The following RSPH14 variants were observed in gnomAD, a reference collection of about 807,000 sequenced individuals.
The protein encoded by RSPH14 is radial spoke head 14 homolog.
RSPH14 carries 20 observed loss-of-function variants against 26.7 expected under a neutral mutation model. The observed-to-expected ratio is 0.75, with a 90% CI of 0.53 to 1.09. RSPH14 has a LOEUF of 1.09. RSPH14 is among the 50% of genes least tolerant of loss of function. RSPH14 has a pLI of 0.00. For synonymous variants in RSPH14, 177 were observed against 189.3 expected (o/e 0.93, Z 0.53); for missense variants, 449 against 457.2 (o/e 0.98, Z 0.16).
chr22:23,138,395 T>C (rs1041759238), intron 3 of RSPH14, among the ~76,000 whole-genome samples: 17 of 152,040 alleles, frequency 1.1e-4, no homozygotes, highest in African/African-American at 3.9e-4. Context: ...AACCAGTCTC[T>C]ACTAAAAATA....
At chr22:23,161,717 G>A in the RSPH14 span, 2 of 655,894 alleles carry the variant, frequency 3.0e-6, no homozygotes, top group Admixed American at 5.7e-5. Flanking sequence ...ACCGGGCTCA[G>A]CTCCAGGGCA....
the RSPH14 span, chr22:23,155,984 C>A: frequency 1.2e-6 from 2 of 1,612,466 alleles, no homozygotes; most frequent in Non-Finnish European, 1.7e-6. Flanking sequence ...CACAGCTGGG[C>A]AGGAGAAGTT....
the RSPH14 span, chr22:23,158,157 G>A: frequency 6.5e-7 from 1 of 1,532,712 alleles, no homozygotes; most frequent in Non-Finnish European, 8.7e-7. Context: ...GAGTGACCAG[G>A]GCCCCTTGTC....
chr22:23,095,843 G>A (rs2069107342), intron 4 of RSPH14: 5 of 1,613,742 alleles, frequency 3.1e-6, no homozygotes, highest in African/African-American at 1.3e-5. Flanking sequence ...GAGCACCATC[G>A]TCAAACAGAT....
intron 4 of RSPH14, among the ~76,000 whole-genome samples, chr22:23,066,306 T>C (rs923238148): frequency 6.6e-6 from 1 of 152,014 alleles, no homozygotes; most frequent in African/African-American, 2.4e-5. Context: ...GGGAGGAATA[T>C]AGAAGGAGTT....
upstream of RSPH14, among the ~76,000 whole-genome samples, chr22:23,142,379 G>A (rs2070620465): frequency 6.6e-6 from 1 of 151,928 alleles, no homozygotes; most frequent in Admixed American, 6.6e-5. Context: ...GCAGTGGCGC[G>A]ATCTTGACTC....
intron 4 of RSPH14, among the ~76,000 whole-genome samples, chr22:23,102,696 C>T (rs2069340243): frequency 1.3e-5 from 2 of 152,256 alleles, no homozygotes; most frequent in South Asian, 4.1e-4. Context: ...AGTGCATCAG[C>T]CACCCCTCCA....
chr22:23,142,251 CAG>C (rs941859557), upstream of RSPH14, among the ~76,000 whole-genome samples: 6 of 152,220 alleles, frequency 3.9e-5, no homozygotes, highest in African/African-American at 1.4e-4. Context: ...CTCTGATCCT[CAG>C]AGTAAATTCA....
At chr22:23,149,207 G>A (rs1019641788), upstream of RSPH14, among the ~76,000 whole-genome samples, 1 of 47,592 alleles carries the variant, frequency 2.1e-5, no homozygotes, top group African/African-American at 1.1e-4. Context: ...GGTGGGGGGC[G>A]GGGGGCGGGA....
intron 4 of RSPH14, among the ~76,000 whole-genome samples, chr22:23,112,874 G>A (rs2069693308): frequency 6.6e-6 from 1 of 152,186 alleles, no homozygotes; most frequent in African/African-American, 2.4e-5. Context: ...GCCTGGTCTG[G>A]GGACCCCACA....
chr22:23,180,025 C>T, the RSPH14 span: 2 of 366,518 alleles, frequency 5.5e-6, no homozygotes, highest in Non-Finnish European at 5.1e-6. Context: ...GTGCCGGTGA[C>T]GCTTATGGCA....
the RSPH14 span, among the ~76,000 whole-genome samples, chr22:23,175,454 C>T: frequency 2.0e-5 from 3 of 152,102 alleles, no homozygotes; most frequent in African/African-American, 7.2e-5. Flanking sequence ...AGCAATTCTC[C>T]AGCCTCCGCC....
At chr22:23,097,352 A>T (rs2069154970) in intron 4 of RSPH14, among the ~76,000 whole-genome samples, 1 of 152,204 alleles carries the variant, frequency 6.6e-6, no homozygotes, top group South Asian at 2.1e-4. Context: ...GCGGAGAGCA[A>T]CAATGGTTCT....
At chr22:23,165,367 C>G in the RSPH14 span, among the ~76,000 whole-genome samples, 1 of 152,238 alleles carries the variant, frequency 6.6e-6, no homozygotes, top group South Asian at 2.1e-4. Flanking sequence ...CCCTCACTTG[C>G]AAACCCCAGT....
chr22:23,119,393 T>A (rs1229392486), intron 4 of RSPH14, among the ~76,000 whole-genome samples: 1 of 152,190 alleles, frequency 6.6e-6, no homozygotes, highest in Non-Finnish European at 1.5e-5. Context: ...CTGGTCAGGG[T>A]CCTGACTTTG....
chr22:23,146,543 T>C (rs2070783960), upstream of RSPH14: 2 of 1,583,176 alleles, frequency 1.3e-6, no homozygotes, highest in Non-Finnish European at 1.7e-6. Flanking sequence ...TGGAAACTCA[T>C]GGGTGAATCC....
At position 23,064,571 on chromosome 22, in the gene RSPH14, T is replaced by C. The variant is rs138268532; in HGVS notation, c.422-438A>G. On this transcript the variant is annotated intron_variant, in intron 4 of 6. Coordinates refer to ENST00000216036, the MANE Select transcript of RSPH14 (RefSeq NM_014433.3). ...AGCCCCCGCTTCCCATCCACCAAAA[T>C]ATTTCAAAGCTGCTGGAGACCCCAC... 2.3e-4 allele frequency among the ~76,000 whole-genome samples: 35 copies of C among 152,116 alleles called. No homozygotes were observed. The East Asian group carries it at 6.0e-3, about 26-fold the overall frequency.
intron 4 of RSPH14, among the ~76,000 whole-genome samples, chr22:23,100,459 C>T (rs1043568457): frequency 5.9e-5 from 9 of 152,172 alleles, no homozygotes; most frequent in Non-Finnish European, 8.8e-5. Context: ...ATCCAGGGGA[C>T]GGGGGACATA....
the RSPH14 span, among the ~76,000 whole-genome samples, chr22:23,170,364 G>A: frequency 2.0e-5 from 3 of 152,130 alleles, no homozygotes; most frequent in Non-Finnish European, 4.4e-5. Context: ...TCTGGCAAGG[G>A]CCCTTTTCTA....
Sources: gnomAD v4.1 joint callset for allele counts (sites outside exome capture counted in the v4.1 genomes callset) on GRCh38, gnomAD v4.1.1 for gene constraint, MANE v1.5 for transcripts, NCBI Gene and HGNC (gene_info 2026-07-23, HGNC 2026-07-21) for gene names.